PTGER3: variants seen among roughly 807,000 people sequenced by gnomAD.
PTGER3 encodes prostaglandin E2 receptor EP3 subtype.
In PTGER3, 22 loss-of-function variants were observed where a neutral mutation model predicts 34.7. The ratio of observed to expected loss-of-function variants is 0.63; its 90% CI spans 0.45 to 0.91. The LOEUF (loss-of-function observed/expected upper bound fraction) is 0.91. PTGER3 is among the 40% of genes least tolerant of loss of function. The pLI is 0.00. For missense variants in PTGER3, 468 were observed against 519.4 expected (o/e 0.90, Z 0.96); for synonymous variants, 241 against 230.1 (o/e 1.05, Z -0.43).
At chr1:70,943,944 T>C (rs1348128562) in intron 4 of PTGER3, among the ~76,000 whole-genome samples, 1 of 152,122 alleles carries the variant, frequency 6.6e-6, no homozygotes. Context: ...CACTCCTTGC[T>C]CTTGGGTTCC....
chr1:70,928,511 T>C (rs1467355832), intron 4 of PTGER3, among the ~76,000 whole-genome samples: 2 of 150,478 alleles, frequency 1.3e-5, no homozygotes, highest in Admixed American at 6.6e-5. Context: ...CATGTGCTTA[T>C]AGTCACAGCT....
chr1:70,982,747 T>C (rs1654506833), intron 2 of PTGER3, among the ~76,000 whole-genome samples: 1 of 152,190 alleles, frequency 6.6e-6, no homozygotes, highest in Middle Eastern at 3.4e-3. Context: ...TCAATAAACA[T>C]TAGGAGTAGT....
In PTGER3 at chr1:70,917,441, G is replaced by GTATA. The variant is rs1553163022; in HGVS notation, c.*23+36318_*23+36321dup. On this transcript the variant is annotated intron_variant, in intron 4 of 4. Coordinates refer to the PTGER3 transcript ENST00000370931. ...TGTGTGTGTGTGTGTGTGTGTGTGT[G>GTATA]TATACAATCAATTCCATAGAATGGC... Among the ~76,000 whole-genome samples the GTATA allele has an allele frequency of 4.8e-4, 66 of 137,434 alleles. 1 individual carries two copies. The South Asian group carries it at 0.011, about 23-fold the overall frequency. 90.2% of individuals were successfully genotyped at this position (137,434 alleles called of 152,430 possible).
chr1:70,972,004 T>G (rs960824822), intron 3 of PTGER3, among the ~76,000 whole-genome samples: 2 of 152,222 alleles, frequency 1.3e-5, no homozygotes, highest in African/African-American at 4.8e-5. Context: ...GAAGCTGAAA[T>G]AGCCAGGAAA....
At chr1:71,016,463 A>G (rs1572939269) in intron 1 of PTGER3, among the ~76,000 whole-genome samples, 1 of 152,308 alleles carries the variant, frequency 6.6e-6, no homozygotes, top group Non-Finnish European at 1.5e-5. Flanking sequence ...AATTACTGCT[A>G]TTTAACAATA....
chr1:71,031,878 G>A (rs1659443042), intron 1 of PTGER3, among the ~76,000 whole-genome samples: 1 of 152,176 alleles, frequency 6.6e-6, no homozygotes, highest in Non-Finnish European at 1.5e-5. Context: ...TTGATCTGTA[G>A]CAAAATTTAA....
chr1:70,910,229 C>G (rs967146849), intron 4 of PTGER3, among the ~76,000 whole-genome samples: 1 of 152,174 alleles, frequency 6.6e-6, no homozygotes, highest in Non-Finnish European at 1.5e-5. Context: ...AAAATGATCT[C>G]ATTGGCTTTC....
At chr1:70,986,723 A>G (rs58051959) in intron 2 of PTGER3, among the ~76,000 whole-genome samples, 1,755 of 152,278 alleles carry the variant, frequency 0.012, 45 homozygotes, top group African/African-American at 0.039. Flanking sequence ...CTGCATTATC[A>G]CAAGGGTATG....
intron 2 of PTGER3, among the ~76,000 whole-genome samples, chr1:70,963,711 T>A (rs968165887): frequency 6.6e-6 from 1 of 152,092 alleles, no homozygotes; most frequent in Non-Finnish European, 1.5e-5. Context: ...CCTCCAAGCC[T>A]GCGATGGAGG....
At chr1:71,007,006 T>G in intron 2 of PTGER3, 1 of 985,716 alleles carries the variant, frequency 1.0e-6, no homozygotes, top group Non-Finnish European at 1.2e-6. Flanking sequence ...TCCACAGTAT[T>G]GAAGACCAGC....
chr1:71,043,818 G>GT (rs998948982), intron 1 of PTGER3, among the ~76,000 whole-genome samples: 1 of 146,532 alleles, frequency 6.8e-6, no homozygotes. Flanking sequence ...TTTTTTTTTT[G>GT]TTTTTTGTTT....
chr1:70,873,547 G>C (rs1368868922), intron 4 of PTGER3, among the ~76,000 whole-genome samples: 1 of 151,838 alleles, frequency 6.6e-6, no homozygotes, highest in African/African-American at 2.4e-5. Flanking sequence ...AAAATTTAGA[G>C]AGATTTGTTT....
At position 70,921,727 on chromosome 1, in the gene PTGER3, T is replaced by A. The variant is rs190850074; in HGVS notation, c.*23+32036A>T. Among the ~76,000 whole-genome samples the A allele has an allele frequency of 3.5e-3, 534 of 152,302 alleles. 2 individuals are homozygous for A. Among genetic ancestry groups the A allele is most frequent in the African/African-American group, 0.012 (499 of 41,568 alleles). On this transcript the variant is annotated intron_variant, in intron 4 of 4. Transcript: ENST00000370931. ...TTGTATGTCCTTGGGAGCTTGACCT[T>A]GTAACCAGGTGGCAGTACTTTCTCT...
intron 4 of PTGER3, among the ~76,000 whole-genome samples, chr1:70,859,991 C>T (rs1645892397): frequency 6.6e-6 from 1 of 150,982 alleles, no homozygotes; most frequent in African/African-American, 2.4e-5. Context: ...ATTATGTGAC[C>T]TAGACTATGC....
intron 4 of PTGER3, among the ~76,000 whole-genome samples, chr1:70,863,501 C>CA (rs1572485191): frequency 6.6e-6 from 1 of 152,232 alleles, no homozygotes; most frequent in Middle Eastern, 3.4e-3. Flanking sequence ...CAACCCTCTT[C>CA]AAAATCATAG....
intron 4 of PTGER3, among the ~76,000 whole-genome samples, chr1:70,870,874 C>T (rs1053865127): frequency 2.2e-4 from 34 of 152,300 alleles, no homozygotes; most frequent in African/African-American, 7.7e-4. Flanking sequence ...TTGGTTACAA[C>T]CATTTAATGG....
rs563051442 is a variant in PTGER3, at chr1:70,930,103, A to G, written c.*23+23660T>C. 2.0e-5 allele frequency among the ~76,000 whole-genome samples: 3 copies of G among 152,334 alleles called. No homozygotes were observed. The East Asian group carries it at 5.8e-4, about 29-fold the overall frequency. On this transcript the variant is annotated intron_variant, in intron 4 of 4. Coordinates refer to the PTGER3 transcript ENST00000370931. ...TCCAAACTAAGTAAAGTGTTATTTC[A>G]TGTTCCCAAAGTATTTCAAACAATA...
In PTGER3 at chr1:71,011,079, G is replaced by T. The variant is rs5685; in HGVS notation, c.1077+1226C>A. ...CATAACTACAGGATTACTATGTTTG[G>T]TGGGGAGACATTTTTAAGAAGTGCA... On this transcript the variant is annotated intron_variant, in intron 2 of 3. Transcript: ENST00000306666. The T allele has an allele frequency of 1.7e-3, 1,719 of 985,722 alleles. 26 individuals carry two copies. The African/African-American group carries it at 0.028, about 16-fold the overall frequency. 61.1% of individuals were successfully genotyped at this position (985,722 alleles called of 1,614,324 possible).
intron 4 of PTGER3, among the ~76,000 whole-genome samples, chr1:70,879,726 A>G (rs1179509145): frequency 6.6e-6 from 1 of 152,056 alleles, no homozygotes; most frequent in East Asian, 1.9e-4. Flanking sequence ...ATACAGTTGG[A>G]TCTTGCTTTC....
Sources: allele counts gnomAD v4.1 joint callset (sites outside exome capture counted in the v4.1 genomes callset), GRCh38; gene constraint gnomAD v4.1.1; transcripts MANE v1.5; gene names NCBI Gene and HGNC (gene_info 2026-07-23, HGNC 2026-07-21).